PTPN5: variants seen among roughly 807,000 people sequenced by gnomAD.
PTPN5 encodes tyrosine-protein phosphatase non-receptor type 5.
In PTPN5, 29 loss-of-function variants were observed where a neutral mutation model predicts 73.9. The observed-to-expected ratio is 0.39, with a 90% confidence interval of 0.29 to 0.54. The LOEUF is 0.54. PTPN5 is among the 20% of genes least tolerant of loss of function. The pLI, the probability that PTPN5 is intolerant of heterozygous loss-of-function variation, is 0.65. For synonymous variants in PTPN5, 267 were observed against 304.7 expected (o/e 0.88, Z 1.29); for missense variants, 652 against 751.4 (o/e 0.87, Z 1.55).
intron 3 of PTPN5, chr11:18,749,350 G>C (rs889677529): frequency 1.0e-4 from 52 of 518,564 alleles, no homozygotes; most frequent in African/African-American, 9.8e-4. Flanking sequence ...TAAGTGTCTT[G>C]GCCAAGTAAG....
intron 3 of PTPN5, among the ~76,000 whole-genome samples, chr11:18,749,750 T>C (rs375768226): frequency 1.9e-4 from 29 of 152,276 alleles, no homozygotes; most frequent in African/African-American, 5.8e-4. Flanking sequence ...AATCCCACCA[T>C]TGAACTCTGC....
At chr11:18,784,022 A>G (rs1424422123) in intron 1 of PTPN5, among the ~76,000 whole-genome samples, 3 of 152,166 alleles carry the variant, frequency 2.0e-5, no homozygotes, top group African/African-American at 7.2e-5. Context: ...TTAAATTAAC[A>G]GCTTCTTCCT....
chr11:18,750,809 G>C (rs1227836947), intron 3 of PTPN5, among the ~76,000 whole-genome samples: 1 of 152,234 alleles, frequency 6.6e-6, no homozygotes, highest in Non-Finnish European at 1.5e-5. Context: ...GAGGCACAGA[G>C]AGGTTAAGTG....
intron 1 of PTPN5, among the ~76,000 whole-genome samples, chr11:18,790,165 C>T (rs994301562): frequency 2.0e-5 from 3 of 151,900 alleles, no homozygotes; most frequent in Non-Finnish European, 2.9e-5. Context: ...TTGAGGGAGC[C>T]GCGTGCTGAG....
chr11:18,757,521 C>T (rs929036587), intron 3 of PTPN5, among the ~76,000 whole-genome samples: 1 of 152,248 alleles, frequency 6.6e-6, no homozygotes, highest in Admixed American at 6.5e-5. Context: ...TGGTCAAATG[C>T]TCCTCAGCCT....
chr11:18,752,818 A>T (rs1849953157), intron 3 of PTPN5, among the ~76,000 whole-genome samples: 4 of 152,210 alleles, frequency 2.6e-5, no homozygotes, highest in Non-Finnish European at 5.9e-5. Context: ...GCAGGGAGGT[A>T]CCAGAGGTCC....
chr11:18,743,195 A>C, intron 5 of PTPN5, 120 bp from the exon 6 acceptor site: 1 of 1,224,748 alleles, frequency 8.2e-7, no homozygotes, highest in Non-Finnish European at 1.2e-6. Context: ...GGGAGCAGGC[A>C]GAAGAACTTC....
At position 18,742,583 on chromosome 11, in the gene PTPN5, G is replaced by A. The variant is rs926242429; in HGVS notation, c.484-80C>T. The A allele has an allele frequency of 1.9e-6, 3 of 1,555,870 alleles. No individual in the cohort carries two copies. Among genetic ancestry groups the A allele is most frequent in the Admixed American group, 3.5e-5 (2 of 57,178 alleles). On this transcript the variant is annotated intron_variant, in intron 6 of 14. Coordinates refer to ENST00000358540, the MANE Select transcript of PTPN5 (RefSeq NM_006906.2). This position sits in a 1 kb window ranked among gnomAD's most constrained non-coding sequence, Gnocchi z 4.1. ...TTCCTGGAGTGCCCATGGGATTGAC[G>A]CCCCCCCACTCCCTCAGTGTGTCTA...
In PTPN5 at chr11:18,737,923, G is replaced by T; in HGVS notation, c.957C>A (p.Ile319=). Reference sequence around the variant, plus strand: ...ACCGGTTCTTCCGCACCAGCCCAGGGATGTCGTACTCTTTCGGATCCACAA... The same window carrying T: ...ACCGGTTCTTCCGCACCAGCCCAGGTATGTCGTACTCTTTCGGATCCACAA... ...MNFVDPKEYD[I]PGLVRKNRYK... is the part of the protein sequence containing the mutation. Residue 319 remains isoleucine, a synonymous_variant, in exon 9 of 15, where the codon ATC becomes ATA. Transcript: ENST00000358540. The T allele has an allele frequency of 6.2e-7, 1 of 1,614,172 alleles. No individual in the cohort carries two copies. Among genetic ancestry groups the T allele is most frequent in the Non-Finnish European group, 8.5e-7 (1 of 1,180,032 alleles).
At chr11:18,763,495 C>A (rs11024789) in intron 3 of PTPN5, among the ~76,000 whole-genome samples, 8,678 of 152,234 alleles carry the variant, frequency 0.057, 379 homozygotes, top group East Asian at 0.18. Context: ...CTAGGATATT[C>A]CATGACCAAA....
At chr11:18,781,216 T>C (rs542935650) in intron 1 of PTPN5, among the ~76,000 whole-genome samples, 1 of 147,708 alleles carries the variant, frequency 6.8e-6, no homozygotes, top group South Asian at 2.4e-4. Flanking sequence ...CCACTTCCCA[T>C]GATGCTAGGT....
chr11:18,768,089 T>C (rs1233607166), intron 2 of PTPN5, among the ~76,000 whole-genome samples: 1 of 152,236 alleles, frequency 6.6e-6, no homozygotes, highest in African/African-American at 2.4e-5. Flanking sequence ...CCTCGCACAG[T>C]GCCTGGTTCG....
intron 12 of PTPN5, among the ~76,000 whole-genome samples, chr11:18,732,093 G>A (rs1848902481): frequency 6.6e-6 from 1 of 152,134 alleles, no homozygotes; most frequent in African/African-American, 2.4e-5. Flanking sequence ...TTTTCTTGCT[G>A]TTTTCTGTAA....
upstream of PTPN5, chr11:18,791,842 C>T (rs1851949849): frequency 6.6e-6 from 1 of 152,086 alleles, no homozygotes; most frequent in Non-Finnish European, 1.5e-5. Flanking sequence ...CCAGCCCCGG[C>T]TCCGCCCCGC....
chr11:18,729,489 TC>T lies in PTPN5; in HGVS notation c.1567del (p.Asp523ThrfsTer3). ...CQQLRQEGVV[D>X]ILKTTCQLRQ... is the part of the protein sequence containing the mutation. The stretch of plus-strand genomic sequence containing the variant: ...GAGCTGGCACGTGGTCTTCAGGATG[TC>T]CACCACACCCTCCTGCCGCAGCTGC... On this transcript the variant is annotated frameshift_variant, in exon 14 of 15. Coordinates refer to ENST00000358540, the MANE Select transcript of PTPN5 (RefSeq NM_006906.2). LOFTEE classifies it high-confidence loss of function. The surrounding 1 kb of genome is among the most constrained non-coding windows in gnomAD (Gnocchi z 5.2). 6.3e-7 allele frequency: 1 copy of T among 1,593,486 alleles called. No homozygotes were observed. Among genetic ancestry groups the T allele is most frequent in the Non-Finnish European group, 8.6e-7 (1 of 1,166,004 alleles).
At chr11:18,734,932 A>G (rs1849049897) in intron 9 of PTPN5, among the ~76,000 whole-genome samples, 1 of 152,226 alleles carries the variant, frequency 6.6e-6, no homozygotes, top group African/African-American at 2.4e-5. Context: ...GCTGAGCCAG[A>G]GAGGCTAGGT....
intron 3 of PTPN5, among the ~76,000 whole-genome samples, chr11:18,753,084 G>T (rs1021738358): frequency 1.3e-5 from 2 of 152,214 alleles, no homozygotes; most frequent in Non-Finnish European, 2.9e-5. Context: ...GTGGAAGGCT[G>T]GGTTCTGGCT....
intron 3 of PTPN5, among the ~76,000 whole-genome samples, chr11:18,746,710 C>T (rs180865661): frequency 2.6e-5 from 4 of 152,256 alleles, no homozygotes; most frequent in East Asian, 1.9e-4. Context: ...AAGAGGGTCA[C>T]GAGAGGGTAT....
chr11:18,749,703 G>A (rs1849798193), intron 3 of PTPN5, among the ~76,000 whole-genome samples: 1 of 152,142 alleles, frequency 6.6e-6, no homozygotes, highest in South Asian at 2.1e-4. Context: ...GGGGCACAGG[G>A]AAACGCTATG....
Sources: allele counts gnomAD v4.1 joint callset (sites outside exome capture counted in the v4.1 genomes callset), GRCh38; gene constraint gnomAD v4.1.1; non-coding constraint Gnocchi (gnomAD v3.1); transcripts MANE v1.5; gene names NCBI Gene and HGNC (gene_info 2026-07-23, HGNC 2026-07-21).